The following SLC24A2 variants were observed in gnomAD, a reference collection of about 807,000 sequenced individuals.
SLC24A2 encodes the protein sodium/potassium/calcium exchanger 2.
SLC24A2 carries 36 observed loss-of-function variants against 62.0 expected under a neutral mutation model. The ratio of observed to expected loss-of-function variants is 0.58; its 90% CI spans 0.44 to 0.77. The LOEUF (loss-of-function observed/expected upper bound fraction) is 0.77, where lower values mean the gene tolerates loss of function less well. Ranked by LOEUF, SLC24A2 falls within the 30% of genes least tolerant of loss-of-function variation. SLC24A2 has a pLI of 0.00. For missense variants in SLC24A2, 846 were observed against 817.9 expected (o/e 1.03, Z -0.42); for synonymous variants, 358 against 294.0 (o/e 1.22, Z -2.23).
intron 2 of SLC24A2, among the ~76,000 whole-genome samples, chr9:19,716,873 T>C (rs745441271): frequency 2.6e-5 from 4 of 152,242 alleles, no homozygotes; most frequent in African/African-American, 4.8e-5. Flanking sequence ...GGCACTACTA[T>C]AATCTCTGAG....
the SLC24A2 span, among the ~76,000 whole-genome samples, chr9:19,810,643 T>C: frequency 6.6e-6 from 1 of 152,222 alleles, no homozygotes; most frequent in East Asian, 1.9e-4. Flanking sequence ...ATTCAGTTAA[T>C]GCGTCCGCTT....
At chr9:19,526,866 T>G (rs1265582242) in intron 9 of SLC24A2, among the ~76,000 whole-genome samples, 1 of 152,160 alleles carries the variant, frequency 6.6e-6, no homozygotes, top group Non-Finnish European at 1.5e-5. Context: ...ATTAATCAAT[T>G]TTCTTGCTTT....
Position 19,786,053 on chromosome 9 carries a change from CTGT to C in SLC24A2, c.811_813del (p.Thr271del). ...ATGAAAACCACATAGCAAAAATAAG[CTGT>C]TAAGAGAAGCAAGCTTTCCCACCAC... is the stretch of plus-strand genomic sequence containing the variant. On this transcript the variant is annotated inframe_deletion, in exon 2 of 11. Transcript: ENST00000341998. This position sits in a 1 kb window ranked among gnomAD's most constrained non-coding sequence, Gnocchi z 5.0. 6.2e-7 allele frequency: 1 copy of C among 1,614,178 alleles called. No individual in the cohort carries two copies. The highest frequency in any genetic ancestry group is 8.5e-7 in the Non-Finnish European group (1 of 1,180,028).
At chr9:19,991,899 A>C in the SLC24A2 span, among the ~76,000 whole-genome samples, 1 of 152,194 alleles carries the variant, frequency 6.6e-6, no homozygotes, top group African/African-American at 2.4e-5. Flanking sequence ...AGAGGAGGGC[A>C]GAGACCCTAG....
the SLC24A2 span, among the ~76,000 whole-genome samples, chr9:19,902,860 C>A: frequency 6.6e-6 from 1 of 152,140 alleles, no homozygotes; most frequent in Admixed American, 6.5e-5. Context: ...ACAGATATAA[C>A]ATATTTGACA....
At chr9:19,852,286 G>A in the SLC24A2 span, among the ~76,000 whole-genome samples, 6 of 152,200 alleles carry the variant, frequency 3.9e-5, no homozygotes, top group East Asian at 1.2e-3. Context: ...TCACTCTGAT[G>A]ATAGTTTCTT....
At chr9:20,019,151 AAGAAAG>A in the SLC24A2 span, among the ~76,000 whole-genome samples, 3 of 99,104 alleles carry the variant, frequency 3.0e-5, 1 homozygote, top group Non-Finnish European at 4.5e-5. Context: ...GAAAGAAAGA[AAGAAAG>A]AGAGAGAGAC....
At chr9:19,607,738 A>G (rs1045495071) in intron 4 of SLC24A2, among the ~76,000 whole-genome samples, 1 of 151,900 alleles carries the variant, frequency 6.6e-6, no homozygotes, top group Non-Finnish European at 1.5e-5. Flanking sequence ...AAAAAAAAAA[A>G]AAATCAACTT....
the SLC24A2 span, among the ~76,000 whole-genome samples, chr9:19,920,766 GTGAGTTCTAGGAA>G: frequency 6.6e-6 from 1 of 152,182 alleles, no homozygotes; most frequent in Non-Finnish European, 1.5e-5. Context: ...CGACACAACA[GTGAGTTCTAGGAA>G]TGACTGACCT....
chr9:20,020,033 A>G, the SLC24A2 span, among the ~76,000 whole-genome samples: 1 of 152,202 alleles, frequency 6.6e-6, no homozygotes, highest in South Asian at 2.1e-4. Flanking sequence ...ACCATCTCAC[A>G]CCAGTTAGAA....
At chr9:19,522,570 A>C (rs1310129560) in intron 9 of SLC24A2, among the ~76,000 whole-genome samples, 1 of 152,172 alleles carries the variant, frequency 6.6e-6, no homozygotes, top group East Asian at 1.9e-4. Flanking sequence ...TTTTGTTTTG[A>C]TGGTCATGCC....
At chr9:20,114,912 A>T in the SLC24A2 span, among the ~76,000 whole-genome samples, 3 of 152,206 alleles carry the variant, frequency 2.0e-5, no homozygotes, top group Non-Finnish European at 4.4e-5. Flanking sequence ...ACGGACTGAC[A>T]GGGGAAAAGA....
the SLC24A2 span, among the ~76,000 whole-genome samples, chr9:20,191,403 G>A: frequency 1.8e-4 from 28 of 151,908 alleles, no homozygotes; most frequent in African/African-American, 3.4e-4. Context: ...GTGCCTTCCC[G>A]TGCCAGCATG....
At chr9:19,944,823 T>C in the SLC24A2 span, among the ~76,000 whole-genome samples, 1 of 152,220 alleles carries the variant, frequency 6.6e-6, no homozygotes, top group African/African-American at 2.4e-5. Flanking sequence ...GATGTGTGTT[T>C]GTGTGAGACT....
chr9:19,920,896 T>G, the SLC24A2 span, among the ~76,000 whole-genome samples: 1 of 152,078 alleles, frequency 6.6e-6, no homozygotes, highest in Non-Finnish European at 1.5e-5. Flanking sequence ...CCAGATCTGC[T>G]CCTGTTTGTA....
At chr9:20,266,969 C>T in the SLC24A2 span, among the ~76,000 whole-genome samples, 1 of 151,202 alleles carries the variant, frequency 6.6e-6, no homozygotes, top group African/African-American at 2.4e-5. Flanking sequence ...GTAGTCCTAG[C>T]TACTTGGGTA....
At chr9:20,156,467 T>C in the SLC24A2 span, among the ~76,000 whole-genome samples, 1 of 151,728 alleles carries the variant, frequency 6.6e-6, no homozygotes, top group African/African-American at 2.4e-5. Flanking sequence ...CTCATCTCTC[T>C]AGTCTATTGG....
chr9:19,674,372 C>T (rs1587134071), intron 2 of SLC24A2, among the ~76,000 whole-genome samples: 1 of 152,044 alleles, frequency 6.6e-6, no homozygotes, highest in South Asian at 2.1e-4. Flanking sequence ...ATAAAATTTC[C>T]CAGGTGTTCT....
chr9:19,560,506 A>C (rs1485884734), intron 7 of SLC24A2, among the ~76,000 whole-genome samples: 2 of 152,212 alleles, frequency 1.3e-5, no homozygotes, highest in Non-Finnish European at 2.9e-5. Flanking sequence ...CACATGCACC[A>C]AGGGAAAGCC....
Sources: allele counts gnomAD v4.1 joint callset (sites outside exome capture counted in the v4.1 genomes callset), GRCh38; gene constraint gnomAD v4.1.1; non-coding constraint Gnocchi (gnomAD v3.1); transcripts MANE v1.5; gene names NCBI Gene and HGNC (gene_info 2026-07-23, HGNC 2026-07-21).